The following PLEKHG4B variants were observed in gnomAD, a reference collection of about 807,000 sequenced individuals.
PLEKHG4B encodes pleckstrin homology domain-containing family G member 4B.
A neutral mutation model predicts 121.3 loss-of-function variants in PLEKHG4B; 111 were observed. That is an observed-to-expected ratio of 0.92 (90% CI 0.78 to 1.07). The LOEUF (loss-of-function observed/expected upper bound fraction) is 1.07, where lower values mean the gene tolerates loss of function less well. Among genes scored for constraint, PLEKHG4B ranks in the 50% least tolerant of loss-of-function variants. The probability of loss-of-function intolerance (pLI) is 0.00; values close to 1 mark genes in which losing one functional copy is unlikely to be tolerated. For synonymous variants in PLEKHG4B, 738 were observed against 725.0 expected (o/e 1.02, Z -0.29); for missense variants, 1,831 against 1,757.8 (o/e 1.04, Z -0.74).
At chr5:141,654 CTAAG>C (rs1245432553) in intron 3 of PLEKHG4B, among the ~76,000 whole-genome samples, 9 of 150,060 alleles carry the variant, frequency 6.0e-5, no homozygotes, top group Admixed American at 6.0e-4. Context: ...ATTTAAAAGA[CTAAG>C]TTTGCAGGAC....
At chr5:104,211 C>T (rs1248805762) in intron 1 of PLEKHG4B, among the ~76,000 whole-genome samples, 1 of 147,608 alleles carries the variant, frequency 6.8e-6, no homozygotes, top group Non-Finnish European at 1.5e-5. Context: ...CCAGTCCCAG[C>T]ACCGATTCCT....
intron 2 of PLEKHG4B, among the ~76,000 whole-genome samples, chr5:121,151 G>A (rs568065771): frequency 1.8e-4 from 27 of 152,190 alleles, no homozygotes; most frequent in African/African-American, 6.5e-4. Context: ...GGAGGCTGAG[G>A]CAGGAGAATG....
Position 155,378 on chromosome 5 carries a change from G to A in PLEKHG4B, c.2143G>A (p.Ala715Thr). Residue 715 changes from alanine to threonine, a missense_variant, in exon 9 of 20, where the codon GCC becomes ACC. By Grantham distance (58) the Ala-to-Thr change is moderately conservative. Transcript: ENST00000637938. ...ACACTTCGCTGCAAACTGTGAAGAAGCCATCATTTTCCTACAGAATTCATT... is the reference window on the plus strand; with the variant it reads ...ACACTTCGCTGCAAACTGTGAAGAAACCATCATTTTCCTACAGAATTCATT... Reference protein sequence around the residue: ...LEHFAANCEEAIIFLQNSFCS... With the variant: ...LEHFAANCEETIIFLQNSFCS... The A allele has an allele frequency of 6.2e-7, 1 of 1,614,198 alleles. No homozygotes were observed. The highest frequency in any genetic ancestry group is 1.3e-5 in the African/African-American group (1 of 75,042).
In PLEKHG4B at chr5:140,783, C is replaced by T. The variant is rs1735150312; in HGVS notation, c.1477+67C>T. 1.7e-5 allele frequency: 23 copies of T among 1,346,454 alleles called. 1 individual carries two copies. The highest frequency in any genetic ancestry group is 2.7e-4 in the Middle Eastern group (1 of 3,740). The allele number at this position is 1,346,454 out of a possible 1,614,324, so 83.4% of individuals were successfully genotyped here. The stretch of plus-strand genomic sequence containing the variant: ...TCCCCTACACATCCCACAATCTCCC[C>T]CTGCACACCCCACCCCCTTCCCTAC... On this transcript the variant is annotated intron_variant, in intron 3 of 19. Transcript: ENST00000637938.
chr5:167,474 T>C (rs1553990671), intron 13 of PLEKHG4B, among the ~76,000 whole-genome samples: 1 of 134,496 alleles, frequency 7.4e-6, no homozygotes. Context: ...ATTGGTATCA[T>C]CAGGATCGAG....
chr5:146,793 C>T lies in PLEKHG4B; in HGVS notation c.1905+1873C>T, dbSNP rs116346869. Among the ~76,000 whole-genome samples, 1,039 of 151,070 alleles carry T rather than the reference C, an allele frequency of 6.9e-3. 14 individuals are homozygous for T. Among genetic ancestry groups the T allele is most frequent in the African/African-American group, 0.024 (983 of 41,030 alleles). On this transcript the variant is annotated intron_variant, in intron 6 of 19. Transcript: ENST00000637938. ...CCCTGCTGCCACCACTTCTCTCCCC[C>T]ACACTTTCCCCCTTGCATCGAGCCT...
At position 171,253 on chromosome 5, in the gene PLEKHG4B, T is replaced by G. The variant is rs540248820; in HGVS notation, c.3859T>G (p.Ser1287Ala). 5.6e-6 allele frequency: 9 copies of G among 1,608,850 alleles called. No homozygotes were observed. The highest frequency in any genetic ancestry group is 7.6e-6 in the Non-Finnish European group (9 of 1,177,224). The change falls in exon 16 of 20, where the codon TCC (serine) becomes GCC (alanine). Residue 1287 changes from serine (S) to alanine (A), a missense_variant. Transcript: ENST00000637938. ...RELGDKMDLA[S>A]YLLRPVQRVA... ...GCTAGGTGACAAAATGGACCTGGCC[T>G]CCTACCTGCTGCGGCCCGTGCAGCG... is the stretch of plus-strand genomic sequence containing the variant.
At chr5:135,388 C>T (rs147132529) in intron 2 of PLEKHG4B, among the ~76,000 whole-genome samples, 39 of 150,882 alleles carry the variant, frequency 2.6e-4, no homozygotes, top group African/African-American at 8.0e-4. Context: ...TAAAATGGGC[C>T]GGGTGTGGTG....
At position 173,088 on chromosome 5, in the gene PLEKHG4B, T is replaced by C. The variant is rs201225937; in HGVS notation, c.4221+21T>C. On this transcript the variant is annotated intron_variant, in intron 17 of 19. Coordinates refer to ENST00000637938, the MANE Select transcript of PLEKHG4B (RefSeq NM_052909.5). ...TCAAGGTAGCACCCGCCCGGTCCGATTGGGTGCAGGCCGAGCCAGGCCCTC... is the reference window on the plus strand; with the variant it reads ...TCAAGGTAGCACCCGCCCGGTCCGACTGGGTGCAGGCCGAGCCAGGCCCTC... The C allele has an allele frequency of 7.2e-4, 1,156 of 1,610,814 alleles. 10 individuals are homozygous for C. The highest frequency in any genetic ancestry group is 6.0e-4 in the Admixed American group (36 of 59,950).
At position 170,960 on chromosome 5, in the gene PLEKHG4B, T is replaced by C. The variant is rs1033559427; in HGVS notation, c.3730-83T>C. 8 of 1,172,632 alleles carry C rather than the reference T, an allele frequency of 6.8e-6. No homozygotes were observed. The African/African-American group carries it at 9.2e-5, about 13-fold the overall frequency. 72.6% of individuals were successfully genotyped at this position (1,172,632 alleles called of 1,614,324 possible). On this transcript the variant is annotated intron_variant, in intron 14 of 19. Coordinates refer to ENST00000637938, the MANE Select transcript of PLEKHG4B (RefSeq NM_052909.5). ...TGGGGGGTCTTGGGACGGGAGCAGT[T>C]CCAAGTCTGACCCGGGCTGCGGGAG... is the stretch of plus-strand genomic sequence containing the variant.
At position 159,960 on chromosome 5, in the gene PLEKHG4B, C is replaced by A. The variant is rs1436159280; in HGVS notation, c.2488-1823C>A. 6.6e-6 allele frequency among the ~76,000 whole-genome samples: 1 copy of A among 152,206 alleles called. No individual in the cohort carries two copies. Among genetic ancestry groups the A allele is most frequent in the Non-Finnish European group, 1.5e-5 (1 of 68,032 alleles). ...TCTCTGCCCACCGTGCTGAGTGTTA[C>A]GCCTTGGAAGATGCTTGCAGGGCTT... On this transcript the variant is annotated intron_variant, in intron 11 of 19. Coordinates refer to ENST00000637938, the MANE Select transcript of PLEKHG4B (RefSeq NM_052909.5). This position sits in a 1 kb window ranked among gnomAD's most constrained non-coding sequence, Gnocchi z 5.5.
At chr5:135,968 A>G (rs893189713) in intron 2 of PLEKHG4B, among the ~76,000 whole-genome samples, 13 of 151,926 alleles carry the variant, frequency 8.6e-5, no homozygotes, top group African/African-American at 2.9e-4. Context: ...GCATAAAAAC[A>G]GACACACAGA....
intron 2 of PLEKHG4B, among the ~76,000 whole-genome samples, chr5:118,387 G>A (rs779272525): frequency 3.3e-5 from 5 of 152,194 alleles, no homozygotes; most frequent in Non-Finnish European, 7.3e-5. Context: ...CATACGTAGA[G>A]TGCTGAGCCC....
intron 6 of PLEKHG4B, among the ~76,000 whole-genome samples, chr5:148,816 T>A (rs1260786484): frequency 6.6e-6 from 1 of 152,182 alleles, no homozygotes; most frequent in Non-Finnish European, 1.5e-5. Context: ...AGTTCCTGAT[T>A]TCAAAACTTA....
intron 3 of PLEKHG4B, among the ~76,000 whole-genome samples, chr5:141,301 C>T (rs1735192606): frequency 8.5e-6 from 1 of 118,084 alleles, no homozygotes; most frequent in South Asian, 3.3e-4. Flanking sequence ...AGAAGCCTGT[C>T]TCCATGTTCA....
chr5:156,764 C>G lies in PLEKHG4B; in HGVS notation c.2349-9C>G. The G allele has an allele frequency of 1.3e-6, 2 of 1,547,412 alleles. No individual in the cohort carries two copies. The highest frequency in any genetic ancestry group is 4.9e-5 in the East Asian group (2 of 40,974). ...CCTGGAAGCCTGAGGACTGCCTTCT[C>G]TTCCTCAGGGACACCCTGGAGGCCG... is the stretch of plus-strand genomic sequence containing the variant. On this transcript the variant is annotated splice_polypyrimidine_tract_variant and intron_variant, in intron 10 of 19. Coordinates refer to ENST00000637938, the MANE Select transcript of PLEKHG4B (RefSeq NM_052909.5). The surrounding 1 kb of genome is among the most constrained non-coding windows in gnomAD (Gnocchi z 4.4).
intron 2 of PLEKHG4B, among the ~76,000 whole-genome samples, chr5:115,304 G>A (rs778022682): frequency 7.2e-5 from 11 of 152,218 alleles, no homozygotes; most frequent in Admixed American, 3.3e-4. Flanking sequence ...TTAAAATATC[G>A]AGTAAACCAT....
In PLEKHG4B at chr5:173,101, G is replaced by A. The variant is rs116382461; in HGVS notation, c.4221+34G>A. On this transcript the variant is annotated intron_variant, in intron 17 of 19. Coordinates refer to ENST00000637938, the MANE Select transcript of PLEKHG4B (RefSeq NM_052909.5). The stretch of plus-strand genomic sequence containing the variant: ...CGCCCGGTCCGATTGGGTGCAGGCC[G>A]AGCCAGGCCCTCCAAGGGGGTCTCG... 3,260 of 1,602,886 alleles carry A rather than the reference G, an allele frequency of 2.0e-3. 8 individuals carry two copies. Among genetic ancestry groups the A allele is most frequent in the Admixed American group, 2.6e-3 (156 of 59,834 alleles).
Position 129,368 on chromosome 5 carries a change from C to T in PLEKHG4B, c.244-10115C>T, listed in dbSNP as rs142578414. Among the ~76,000 whole-genome samples, 377 of 152,294 alleles carry T rather than the reference C, an allele frequency of 2.5e-3. 2 individuals carry two copies. Among genetic ancestry groups the T allele is most frequent in the African/African-American group, 8.7e-3 (363 of 41,550 alleles). On this transcript the variant is annotated intron_variant, in intron 2 of 19. Transcript: ENST00000637938. ...ACGTCAGTTCTTTAGGCAGAGCTTA[C>T]CTCTTCCAACCAACTGCCAATCAGA... is the stretch of plus-strand genomic sequence containing the variant.
Sources: allele counts gnomAD v4.1 joint callset (sites outside exome capture counted in the v4.1 genomes callset), GRCh38; gene constraint gnomAD v4.1.1; non-coding constraint Gnocchi (gnomAD v3.1); transcripts MANE v1.5; gene names NCBI Gene and HGNC (gene_info 2026-07-23, HGNC 2026-07-21).